Variants in XG observed in about 807,000 individuals in gnomAD.
XG encodes glycoprotein Xg.
A neutral mutation model predicts 25.7 loss-of-function variants in XG; 24 were observed. That is an observed-to-expected ratio of 0.93 (90% CI 0.68 to 1.31). XG has a LOEUF of 1.31. XG is among the 40% of genes most tolerant of loss of function. XG has a pLI of 0.00. For missense variants in XG, 181 were observed against 187.6 expected, an observed-to-expected ratio of 0.96 and a Z score of 0.21; for synonymous variants, 77 against 69.2, an observed-to-expected ratio of 1.11 and a Z score of -0.56.
intron 1 of XG, among the ~76,000 whole-genome samples, chrX:2,757,500 T>C (rs750516490): frequency 2.0e-4 from 31 of 151,962 alleles, no homozygotes; most frequent in African/African-American, 5.8e-4. Flanking sequence ...TGTGTTTCTA[T>C]GTAAAGACTA....
chrX:2,797,227 T>C, intron 6 of XG, 83 bp from the exon 7 acceptor site: 2 of 1,016,555 alleles, frequency 2.0e-6, no homozygotes, highest in Non-Finnish European at 1.4e-6. Context: ...CCATTCCCAA[T>C]GAGCTGGACA....
At position 2,803,158 on chromosome X, in the gene XG, T is replaced by C. The variant is rs780337596; in HGVS notation, c.374-3543T>C. 1.1e-3 allele frequency among the ~76,000 whole-genome samples: 125 copies of C among 111,747 alleles called. 3 individuals carry two copies. Among genetic ancestry groups the C allele is most frequent in the African/African-American group, 3.6e-3 (110 of 30,707 alleles). Reference sequence around the variant, plus strand: ...GGAGTAGTTTTTTATTGTTTTATTATTTATTTATTTAGAGACAGAGTCTCA... The same window carrying C: ...GGAGTAGTTTTTTATTGTTTTATTACTTATTTATTTAGAGACAGAGTCTCA... On this transcript the variant is annotated intron_variant, in intron 7 of 10. Coordinates refer to ENST00000644266, the MANE Select transcript of XG (RefSeq NM_001141919.2).
chrX:2,782,260 C>A, intron 4 of XG, 132 bp downstream of exon 4: 1 of 737,533 alleles, frequency 1.4e-6, no homozygotes, highest in Non-Finnish European at 2.0e-6. Flanking sequence ...AATGTAGTTT[C>A]TTTCCTCACT....
chrX:2,774,631 T>C, intron 2 of XG, 85 bp from the exon 3 acceptor site: 1 of 1,480,194 alleles, frequency 6.8e-7, no homozygotes. Context: ...CCTTTTCACC[T>C]TTCATCAGGG....
chrX:2,814,533 C>T lies in XG; in HGVS notation c.*153C>T. 1.6e-6 allele frequency: 1 copy of T among 622,144 alleles called. No homozygotes were observed. Among genetic ancestry groups the T allele is most frequent in the Non-Finnish European group, 2.3e-6 (1 of 425,914 alleles). The allele number at this position is 622,144 out of a possible 1,213,427, so 51.3% of individuals were successfully genotyped here. On this transcript the variant is annotated 3_prime_UTR_variant, in exon 11 of 11. Transcript: ENST00000644266. ...AAAGTACATGAGCTGCCTCACTAAG[C>T]ATTCCCAACTCATTGAATGTGATGT...
Position 2,759,369 on chromosome X carries a change from C to T in XG, c.61+7034C>T, listed in dbSNP as rs762784172. Among the ~76,000 whole-genome samples, 17 of 152,036 alleles carry T rather than the reference C, an allele frequency of 1.1e-4. No individual in the cohort carries two copies. The South Asian group carries it at 2.7e-3, about 24-fold the overall frequency. ...AGGTTGGAAATGTCATGCTCCTGTA[C>T]GCTGTAGGAGGTATAGTTGTCTGGA... is the stretch of plus-strand genomic sequence containing the variant. On this transcript the variant is annotated intron_variant, in intron 1 of 10. Coordinates refer to ENST00000644266, the MANE Select transcript of XG (RefSeq NM_001141919.2).
intron 7 of XG, among the ~76,000 whole-genome samples, chrX:2,798,570 C>T (rs149527305): frequency 1.7e-3 from 193 of 110,722 alleles, no homozygotes; most frequent in Middle Eastern, 9.2e-3. Flanking sequence ...AGGGTTTCAC[C>T]ATGTTGGTCA....
intron 7 of XG, among the ~76,000 whole-genome samples, chrX:2,798,209 C>T (rs931766321): frequency 6.3e-5 from 7 of 111,339 alleles, no homozygotes; most frequent in Non-Finnish European, 1.3e-4. Flanking sequence ...CCCTCAGATC[C>T]TCTCCGGTTT....
intron 1 of XG, among the ~76,000 whole-genome samples, chrX:2,753,920 A>C (rs1457291787): frequency 2.0e-5 from 3 of 151,996 alleles, no homozygotes; most frequent in Non-Finnish European, 4.4e-5. Flanking sequence ...ATGTTCAATA[A>C]ATTATGTGAG....
intron 3 of XG, among the ~76,000 whole-genome samples, chrX:2,781,475 G>A (rs1006057196): frequency 2.0e-5 from 3 of 148,770 alleles, no homozygotes; most frequent in Admixed American, 6.8e-5. Flanking sequence ...ATTAAAAGAA[G>A]TTAATCACTT....
chrX:2,773,381 C>A (rs183722097), intron 2 of XG, among the ~76,000 whole-genome samples: 1 of 111,118 alleles, frequency 9.0e-6, no homozygotes, highest in African/African-American at 3.6e-5. Context: ...AAGGGAAGGA[C>A]GGAGGGAAGG....
At chrX:2,758,134 C>T (rs1487716671) in intron 1 of XG, among the ~76,000 whole-genome samples, 1 of 152,096 alleles carries the variant, frequency 6.6e-6, no homozygotes, top group Non-Finnish European at 1.5e-5. Flanking sequence ...CCCCCTCTCT[C>T]CCTGCCCCCT....
At chrX:2,795,222 C>A (rs1170030866) in intron 6 of XG, among the ~76,000 whole-genome samples, 1 of 59,743 alleles carries the variant, frequency 1.7e-5, no homozygotes, top group Non-Finnish European at 3.2e-5. Context: ...CAGATATATG[C>A]TTTTTATATA....
At chrX:2,813,095 G>A (rs1254988425) in intron 10 of XG, among the ~76,000 whole-genome samples, 2 of 112,199 alleles carry the variant, frequency 1.8e-5, no homozygotes, top group African/African-American at 6.5e-5. Flanking sequence ...GCACGTTTTT[G>A]CTAAAGAGGT....
At chrX:2,806,382 G>A (rs964732087) in intron 7 of XG, among the ~76,000 whole-genome samples, 2 of 110,504 alleles carry the variant, frequency 1.8e-5, no homozygotes, top group African/African-American at 3.3e-5. Context: ...TGTGGCCTGC[G>A]TTTTCATCCT....
At chrX:2,777,898 A>G (rs1257547983) in intron 3 of XG, among the ~76,000 whole-genome samples, 2 of 152,204 alleles carry the variant, frequency 1.3e-5, no homozygotes, top group African/African-American at 2.4e-5. Context: ...ATCTCTACTA[A>G]AAATACAAAT....
chrX:2,794,854 C>T (rs2086869489), intron 6 of XG, among the ~76,000 whole-genome samples: 1 of 112,008 alleles, frequency 8.9e-6, no homozygotes, highest in South Asian at 3.7e-4. Flanking sequence ...ACTGGAGGGT[C>T]CACTGAAACA....
chrX:2,755,075 G>A (rs1173422269), intron 1 of XG, among the ~76,000 whole-genome samples: 1 of 152,138 alleles, frequency 6.6e-6, no homozygotes, highest in Non-Finnish European at 1.5e-5. Flanking sequence ...CCCAAGCCTT[G>A]TCTTCTGAAA....
chrX:2,771,259 A>C (rs311148), intron 2 of XG, among the ~76,000 whole-genome samples: 1 of 150,630 alleles, frequency 6.6e-6, no homozygotes, highest in Admixed American at 6.6e-5. Flanking sequence ...CTTACACTTC[A>C]GTTCATATCC....
Sources: allele counts gnomAD v4.1 joint callset (sites outside exome capture counted in the v4.1 genomes callset), GRCh38; gene constraint gnomAD v4.1.1; transcripts MANE v1.5; gene names NCBI Gene and HGNC (gene_info 2026-07-23, HGNC 2026-07-21).